The following DPP10 variants were observed in gnomAD, a reference collection of about 807,000 sequenced individuals.
DPP10 encodes the protein dipeptidyl peptidase like 10, also known as inactive dipeptidyl peptidase 10.
Under a neutral mutation model 120.9 loss-of-function variants are expected in DPP10, and 33 were observed. The observed-to-expected ratio is 0.27, with a 90% CI of 0.21 to 0.37. DPP10 has a LOEUF of 0.37. Among genes scored for constraint, DPP10 ranks in the 10% least tolerant of loss-of-function variants. DPP10 has a pLI of 1.00. For synonymous variants in DPP10, 337 were observed against 326.1 expected, an observed-to-expected ratio of 1.03 and a Z score of -0.36; for missense variants, 816 against 942.8, an observed-to-expected ratio of 0.87 and a Z score of 1.76.
chr2:114,565,734 CTA>C (rs969579830), intron 1 of DPP10, among the ~76,000 whole-genome samples: 18 of 152,196 alleles, frequency 1.2e-4, no homozygotes, highest in African/African-American at 3.9e-4. Context: ...GACCTGCCAC[CTA>C]TAAACTACGT....
intron 1 of DPP10, among the ~76,000 whole-genome samples, chr2:114,840,147 A>T (rs1262784977): frequency 6.6e-6 from 1 of 152,210 alleles, no homozygotes; most frequent in Non-Finnish European, 1.5e-5. Flanking sequence ...ATTTTAATGA[A>T]ATCCTTTAAA....
At chr2:114,801,984 T>C (rs1684294646) in intron 1 of DPP10, among the ~76,000 whole-genome samples, 1 of 152,220 alleles carries the variant, frequency 6.6e-6, no homozygotes, top group Admixed American at 6.5e-5. Context: ...GAAACGTCTC[T>C]AGGTGTCTGC....
Position 114,497,288 on chromosome 2 carries a change from CATGT to C in DPP10, c.60+54452_60+54455del, listed in dbSNP as rs1558813989. Among the ~76,000 whole-genome samples the C allele has an allele frequency of 4.0e-4, 21 of 53,080 alleles. 1 individual carries two copies. The highest frequency in any genetic ancestry group is 1.2e-3 in the African/African-American group (21 of 17,974). 34.8% of individuals were successfully genotyped at this position (53,080 alleles called of 152,430 possible). On this transcript the variant is annotated intron_variant, in intron 1 of 25. Transcript: ENST00000410059. Reference sequence around the variant, plus strand: ...ATACATGTACATGTATACGTGTATACATGTACATGTATACGTGTATACATGTACA... The same window carrying C: ...ATACATGTACATGTATACGTGTATACACATGTATACGTGTATACATGTACA...
intron 1 of DPP10, among the ~76,000 whole-genome samples, chr2:114,701,067 G>GTTTTC (rs1191634077): frequency 1.3e-5 from 2 of 151,854 alleles, no homozygotes; most frequent in Non-Finnish European, 2.9e-5. Context: ...CCTTGGTTAG[G>GTTTTC]ACCTGAAAAC....
intron 1 of DPP10, among the ~76,000 whole-genome samples, chr2:114,923,472 CTTTTTTTTTTTTT>C (rs71394115): frequency 5.8e-5 from 4 of 69,420 alleles, no homozygotes; most frequent in Non-Finnish European, 1.0e-4. Context: ...GCCTTTTTTC[CTTTTTTTTTTTTT>C]TTTTTTTTTT....
chr2:115,429,280 G>A (rs2070759854), intron 3 of DPP10, among the ~76,000 whole-genome samples: 1 of 151,810 alleles, frequency 6.6e-6, no homozygotes. Flanking sequence ...TTATTTGGAG[G>A]CTACTGTAAT....
chr2:115,226,933 C>T (rs2057462886), intron 1 of DPP10, among the ~76,000 whole-genome samples: 1 of 152,100 alleles, frequency 6.6e-6, no homozygotes, highest in Non-Finnish European at 1.5e-5. Context: ...CTACAGATTT[C>T]AAGTAAAACA....
chr2:115,743,273 T>G (rs562546516), intron 9 of DPP10, among the ~76,000 whole-genome samples: 1 of 152,270 alleles, frequency 6.6e-6, no homozygotes, highest in South Asian at 2.1e-4. Context: ...GATTAGAGAA[T>G]GCTGGACTGT....
intron 1 of DPP10, among the ~76,000 whole-genome samples, chr2:114,697,059 C>T (rs1419305608): frequency 1.3e-5 from 2 of 152,026 alleles, no homozygotes; most frequent in Non-Finnish European, 2.9e-5. Context: ...AAAAGGTACT[C>T]AGTATAGCAC....
intron 3 of DPP10, among the ~76,000 whole-genome samples, chr2:115,486,159 C>T (rs1174063888): frequency 6.6e-6 from 1 of 151,982 alleles, no homozygotes; most frequent in African/African-American, 2.4e-5. Flanking sequence ...GTCTTTGACC[C>T]ATATGTCTTT....
intron 1 of DPP10, among the ~76,000 whole-genome samples, chr2:114,862,632 G>T (rs552967595): frequency 4.3e-4 from 65 of 152,282 alleles, no homozygotes; most frequent in African/African-American, 1.4e-3. Context: ...AAAGGAAAGA[G>T]AGATAAAGAC....
intron 1 of DPP10, among the ~76,000 whole-genome samples, chr2:115,120,670 C>A (rs964954401): frequency 3.9e-5 from 6 of 152,158 alleles, no homozygotes; most frequent in Admixed American, 2.0e-4. Context: ...ATAACCTTTA[C>A]AATTTTACAT....
intron 5 of DPP10, among the ~76,000 whole-genome samples, chr2:115,557,479 G>C (rs951305254): frequency 6.6e-6 from 1 of 152,124 alleles, no homozygotes; most frequent in Admixed American, 6.5e-5. Context: ...TCTGTATAGA[G>C]CTTGCAAACT....
At chr2:115,203,155 C>T (rs1185736921) in intron 1 of DPP10, among the ~76,000 whole-genome samples, 3 of 152,138 alleles carry the variant, frequency 2.0e-5, no homozygotes, top group East Asian at 3.8e-4. Context: ...AGCTTAAGGA[C>T]AACTGAAAAA....
At chr2:115,595,492 T>G (rs1346060765) in intron 5 of DPP10, among the ~76,000 whole-genome samples, 1 of 152,144 alleles carries the variant, frequency 6.6e-6, no homozygotes, top group African/African-American at 2.4e-5. Context: ...AGCAGATCAA[T>G]GTTCCAAGAA....
intron 1 of DPP10, among the ~76,000 whole-genome samples, chr2:114,875,535 CA>C (rs1285584131): frequency 2.6e-5 from 4 of 152,106 alleles, no homozygotes; most frequent in African/African-American, 9.7e-5. Flanking sequence ...CCCAAATTCT[CA>C]GCAGTGTGCT....
At chr2:114,914,578 G>A (rs1051892049) in intron 1 of DPP10, among the ~76,000 whole-genome samples, 2 of 152,230 alleles carry the variant, frequency 1.3e-5, no homozygotes, top group African/African-American at 4.8e-5. Flanking sequence ...GGAAATGAAA[G>A]ACCATTACTT....
chr2:115,583,512 C>A (rs1558882543), intron 5 of DPP10, among the ~76,000 whole-genome samples: 8 of 152,132 alleles, frequency 5.3e-5, no homozygotes, highest in Admixed American at 3.3e-4. Flanking sequence ...AGCCTGGGTT[C>A]ACCGGGGACT....
At chr2:114,537,249 C>A (rs1686580475) in intron 1 of DPP10, among the ~76,000 whole-genome samples, 1 of 152,060 alleles carries the variant, frequency 6.6e-6, no homozygotes, top group Non-Finnish European at 1.5e-5. Context: ...ACCGTGAGAT[C>A]TGAAGGATAG....
Sources: allele counts gnomAD v4.1 joint callset (sites outside exome capture counted in the v4.1 genomes callset), GRCh38; gene constraint gnomAD v4.1.1; transcripts MANE v1.5; gene names NCBI Gene and HGNC (gene_info 2026-07-23, HGNC 2026-07-21).